DLG3: variants seen among roughly 807,000 people sequenced by gnomAD.
DLG3 encodes discs large MAGUK scaffold protein 3.
A neutral mutation model predicts 64.1 loss-of-function variants in DLG3; 1 was observed. The observed-to-expected ratio is 0.02, with a 90% confidence interval of 0.01 to 0.07. The LOEUF is 0.07. DLG3 is among the 10% of genes least tolerant of loss of function. The pLI is 1.00. For missense variants in DLG3, 429 were observed against 669.5 expected (o/e 0.64, Z 3.96); for synonymous variants, 245 against 259.8 (o/e 0.94, Z 0.55).
chrX:70,447,832 T>A (rs1297244781), intron 1 of DLG3, among the ~76,000 whole-genome samples: 1 of 111,919 alleles, frequency 8.9e-6, no homozygotes, highest in Admixed American at 9.4e-5. Context: ...ATGTCCTGTC[T>A]GGGAGGCCAT....
At chrX:70,495,629 G>A (rs1461399264) in intron 13 of DLG3, among the ~76,000 whole-genome samples, 176 bp downstream of exon 13, 1 of 111,483 alleles carries the variant, frequency 9.0e-6, no homozygotes, top group African/African-American at 3.3e-5. Context: ...TGTTTGCTAT[G>A]GATCCCTAGT....
At chrX:70,492,497 G>C in intron 11 of DLG3, 24 bp from the exon 12 acceptor site, 1 of 1,204,444 alleles carries the variant, frequency 8.3e-7, no homozygotes, top group Non-Finnish European at 1.1e-6. Context: ...GCAGTAACAG[G>C]ACTTCTTTCT....
intron 10 of DLG3, among the ~76,000 whole-genome samples, chrX:70,489,054 T>A (rs1243117807): frequency 4.5e-5 from 5 of 112,071 alleles, no homozygotes; most frequent in Non-Finnish European, 9.4e-5. Context: ...AACGTGTTCC[T>A]CATCTGAAGT....
chrX:70,500,182 C>G, intron 16 of DLG3, 133 bp downstream of exon 16: 1 of 578,440 alleles, frequency 1.7e-6, no homozygotes, highest in Non-Finnish European at 2.8e-6. Flanking sequence ...CTGCATACTC[C>G]CAGCGCCTTG....
chrX:70,449,597 GC>G, intron 3 of DLG3, 92 bp from the exon 4 acceptor site: 1 of 350,204 alleles, frequency 2.9e-6, no homozygotes, highest in Admixed American at 2.9e-5. Flanking sequence ...GGGTGGGAGG[GC>G]AGAGGAGGGG....
At position 70,451,903 on chromosome X, in the gene DLG3, A is replaced by T; in HGVS notation, c.1022A>T (p.Asn341Ile). 8.3e-7 allele frequency: 1 copy of T among 1,211,127 alleles called. No homozygotes were observed. Among genetic ancestry groups the T allele is most frequent in the Non-Finnish European group, 1.1e-6 (1 of 895,359 alleles). ...TALADNHISH[N>I]SSLGYLGAVE... ...TTGGCTGACAACCACATAAGCCATA[A>T]TTCCAGCCTGGGTTATCTCGGGGCT... is the stretch of plus-strand genomic sequence containing the variant. Residue 341 changes from asparagine (N) to isoleucine (I), a missense_variant, in exon 7 of 19, where the codon AAT becomes ATT. By Grantham distance (149) the Asn-to-Ile change is moderately radical (BLOSUM62 -3). Around this residue, in one of 9 missense-constraint regions of DLG3, gnomAD observed 54 missense variants for 54.4 expected, o/e 0.99. Coordinates refer to ENST00000374360, the MANE Select transcript of DLG3 (RefSeq NM_021120.4).
intron 9 of DLG3, among the ~76,000 whole-genome samples, chrX:70,463,316 T>A (rs1481017909): frequency 1.8e-5 from 2 of 109,564 alleles, no homozygotes; most frequent in Non-Finnish European, 1.9e-5. Context: ...CCCAGCAAAT[T>A]TTTTATATCT....
intron 10 of DLG3, among the ~76,000 whole-genome samples, chrX:70,491,860 G>A (rs187575171): frequency 1.8e-5 from 2 of 112,261 alleles, no homozygotes; most frequent in Admixed American, 9.4e-5. Context: ...AAGCCAAGAG[G>A]AGATGGGGTT....
intron 4 of DLG3, 136 bp from the exon 5 acceptor site, chrX:70,450,033 C>T: frequency 2.0e-6 from 2 of 1,000,372 alleles, no homozygotes; most frequent in Non-Finnish European, 2.7e-6. Context: ...AGGATGGCAG[C>T]TTAGCGTTTG....
rs774419870 is a variant in DLG3, at chrX:70,482,662, G to GTTTTTTTTTTTTTTTTT, written c.1520+3405_1520+3421dup. 3.8e-4 allele frequency among the ~76,000 whole-genome samples: 25 copies of GTTTTTTTTTTTTTTTTT among 66,075 alleles called. 3 individuals are homozygous for GTTTTTTTTTTTTTTTTT. Among genetic ancestry groups the GTTTTTTTTTTTTTTTTT allele is most frequent in the Non-Finnish European group, 5.2e-4 (19 of 36,552 alleles). 57.4% of individuals were successfully genotyped at this position (66,075 alleles called of 115,157 possible). On this transcript the variant is annotated intron_variant, in intron 10 of 18. Transcript: ENST00000374360. ...AGGTTTGGGAAAATACATGTGTGGT[G>GTTTTTTTTTTTTTTTTT]TTTTTTTTTTTTTTTTTTTTTTTGA... is the stretch of plus-strand genomic sequence containing the variant.
At chrX:70,479,044 G>A in intron 9 of DLG3, 106 bp from the exon 10 acceptor site, 1 of 702,382 alleles carries the variant, frequency 1.4e-6, no homozygotes, top group Non-Finnish European at 2.3e-6. Flanking sequence ...GGCTCTGGCT[G>A]CTTTTAAGCC....
chrX:70,462,243 C>T (rs867307673), intron 9 of DLG3, among the ~76,000 whole-genome samples: 11 of 46,987 alleles, frequency 2.3e-4, no homozygotes, highest in Admixed American at 6.6e-4. Context: ...TTCTTTCTTT[C>T]TTTTTTTTTT....
chrX:70,467,499 G>C, intron 9 of DLG3, among the ~76,000 whole-genome samples: 4 of 111,977 alleles, frequency 3.6e-5, no homozygotes, highest in Non-Finnish European at 7.5e-5. Context: ...ATTTCTCCAG[G>C]TCCCATTTTC....
chrX:70,468,871 G>T (rs983301912), intron 9 of DLG3, among the ~76,000 whole-genome samples: 6 of 111,500 alleles, frequency 5.4e-5, no homozygotes, highest in Admixed American at 4.8e-4. Flanking sequence ...CTTTGATTCC[G>T]TATGGACCTC....
intron 6 of DLG3, 93 bp from the exon 7 acceptor site, chrX:70,451,774 A>G (rs2147773096): frequency 1.9e-6 from 2 of 1,063,909 alleles, no homozygotes; most frequent in South Asian, 3.8e-5. Context: ...TCTCTTTTGC[A>G]TCTGAAGTGG....
intron 9 of DLG3, among the ~76,000 whole-genome samples, chrX:70,470,388 G>A (rs1195760872): frequency 9.0e-6 from 1 of 110,601 alleles, no homozygotes; most frequent in Non-Finnish European, 1.9e-5. Context: ...GCACCACCAC[G>A]CCTGGCTAAT....
At chrX:70,457,778 A>T (rs757914129) in intron 9 of DLG3, among the ~76,000 whole-genome samples, 2 of 110,166 alleles carry the variant, frequency 1.8e-5, no homozygotes, top group East Asian at 5.8e-4. Flanking sequence ...TCACCATGTT[A>T]GCCAGGATGG....
At position 70,466,247 on chromosome X, in the gene DLG3, T is replaced by TTGTGTG. The variant is rs61083333; in HGVS notation, c.1405+11974_1405+11979dup. ...TTGTGTGCAAGTGTTTCTTGGTCATTTGTGTGTGTGTGTGTGTGTGTGTGT... is the reference window on the plus strand; with the variant it reads ...TTGTGTGCAAGTGTTTCTTGGTCATTTGTGTGTGTGTGTGTGTGTGTGTGTGTGTGT... On this transcript the variant is annotated intron_variant, in intron 9 of 18. Coordinates refer to ENST00000374360, the MANE Select transcript of DLG3 (RefSeq NM_021120.4). Among the ~76,000 whole-genome samples, 779 of 84,398 alleles carry TTGTGTG rather than the reference T, an allele frequency of 9.2e-3. 7 individuals are homozygous for TTGTGTG. Among genetic ancestry groups the TTGTGTG allele is most frequent in the African/African-American group, 0.023 (506 of 22,454 alleles). 73.3% of individuals were successfully genotyped at this position (84,398 alleles called of 115,157 possible).
In DLG3 at chrX:70,483,974, G is replaced by C. The variant is rs193209030; in HGVS notation, c.1520+4710G>C. Reference sequence around the variant, plus strand: ...TTCTTGCTTAGGGTTGGGATGGGTAGGTGTTTAACTCAGACCATTCTGATG... The same window carrying C: ...TTCTTGCTTAGGGTTGGGATGGGTACGTGTTTAACTCAGACCATTCTGATG... On this transcript the variant is annotated intron_variant, in intron 10 of 18. Coordinates refer to ENST00000374360, the MANE Select transcript of DLG3 (RefSeq NM_021120.4). Among the ~76,000 whole-genome samples, 17 of 112,231 alleles carry C rather than the reference G, an allele frequency of 1.5e-4. No homozygotes were observed. The East Asian group carries it at 3.3e-3, about 22-fold the overall frequency.
Sources: gnomAD v4.1 joint callset for allele counts (sites outside exome capture counted in the v4.1 genomes callset) on GRCh38, gnomAD v4.1.1 for gene constraint, gnomAD v4.1.1 regional missense constraint, MANE v1.5 for transcripts, NCBI Gene and HGNC (gene_info 2026-07-23, HGNC 2026-07-21) for gene names.